Variants in IL1RAPL1 observed in about 807,000 individuals in gnomAD.
The protein encoded by IL1RAPL1 is interleukin-1 receptor accessory protein-like 1.
Under a neutral mutation model 48.4 loss-of-function variants are expected in IL1RAPL1, and 3 were observed. The ratio of observed to expected loss-of-function variants is 0.06; its 90% CI spans 0.03 to 0.16. The LOEUF is 0.16. Among genes scored for constraint, IL1RAPL1 ranks in the 10% least tolerant of loss-of-function variants. The pLI, the probability that IL1RAPL1 is intolerant of heterozygous loss-of-function variation, is 1.00. For synonymous variants in IL1RAPL1, 185 were observed against 187.7 expected (o/e 0.99, Z 0.12); for missense variants, 349 against 530.6 (o/e 0.66, Z 3.36).
At chrX:28,962,820 G>T (rs1375336759) in intron 2 of IL1RAPL1, among the ~76,000 whole-genome samples, 3 of 108,971 alleles carry the variant, frequency 2.8e-5, no homozygotes, top group Non-Finnish European at 3.8e-5. Context: ...TTTGGTATCC[G>T]TGGGGGGGGT....
At chrX:29,911,805 A>C (rs1214713950) in intron 6 of IL1RAPL1, among the ~76,000 whole-genome samples, 2 of 112,165 alleles carry the variant, frequency 1.8e-5, no homozygotes, top group Non-Finnish European at 3.8e-5. Flanking sequence ...TTTTAAGTAC[A>C]GTCAGTCAAC....
intron 2 of IL1RAPL1, among the ~76,000 whole-genome samples, chrX:28,968,342 T>C (rs1183407555): frequency 9.0e-6 from 1 of 111,191 alleles, no homozygotes; most frequent in East Asian, 2.8e-4. Flanking sequence ...TAACATCAGG[T>C]ATAAGGAGTT....
chrX:29,420,403 A>G (rs968184565), intron 5 of IL1RAPL1, among the ~76,000 whole-genome samples: 1 of 112,705 alleles, frequency 8.9e-6, no homozygotes, highest in African/African-American at 3.2e-5. Flanking sequence ...CGGTTTCTCC[A>G]TCTGCTATGC....
chrX:29,373,634 G>T (rs886109616), intron 3 of IL1RAPL1, among the ~76,000 whole-genome samples: 1 of 110,226 alleles, frequency 9.1e-6, no homozygotes, highest in Non-Finnish European at 1.9e-5. Flanking sequence ...TTTTAATCAG[G>T]AATAGATTTT....
chrX:29,490,865 T>TATATATACGTATATATATATATACG (rs778859346), intron 5 of IL1RAPL1, among the ~76,000 whole-genome samples: 1 of 107,593 alleles, frequency 9.3e-6, no homozygotes, highest in African/African-American at 3.6e-5. Flanking sequence ...TATATATATA[T>TATATATACGTATATATATATATACG]TCTGAGTGTG....
At chrX:29,902,812 A>C (rs1033702150) in intron 6 of IL1RAPL1, among the ~76,000 whole-genome samples, 8 of 111,566 alleles carry the variant, frequency 7.2e-5, no homozygotes, top group Non-Finnish European at 1.1e-4. Context: ...AAGCTACAAA[A>C]ATATATAGTA....
intron 2 of IL1RAPL1, among the ~76,000 whole-genome samples, chrX:28,826,825 C>T (rs185281652): frequency 1.2e-3 from 131 of 110,770 alleles, no homozygotes; most frequent in African/African-American, 4.0e-3. Flanking sequence ...TGTTTTAGCT[C>T]CGTTAGCACT....
chrX:28,734,939 A>G (rs190445387), intron 1 of IL1RAPL1, among the ~76,000 whole-genome samples: 75 of 112,179 alleles, frequency 6.7e-4, no homozygotes, highest in Middle Eastern at 9.2e-3. Flanking sequence ...GGCAGTGAAC[A>G]TCATCTGCTA....
chrX:29,012,673 A>G (rs1197997476), intron 2 of IL1RAPL1, among the ~76,000 whole-genome samples: 2 of 112,217 alleles, frequency 1.8e-5, no homozygotes, highest in Non-Finnish European at 3.8e-5. Context: ...TCATTTTGAG[A>G]AGGGATGAGA....
In IL1RAPL1 at chrX:28,587,670, G is replaced by A. The variant is rs1057515846; in HGVS notation, c.-402G>A. On this transcript the variant is annotated 5_prime_UTR_variant, in exon 1 of 11. Coordinates refer to ENST00000378993, the MANE Select transcript of IL1RAPL1 (RefSeq NM_014271.4). ...GCTTTTTTCCTTCCTTATTTTTTAA[G>A]AATTATTCTTATTTTCCCCTCTCTT... 2 of 109,767 alleles carry A rather than the reference G, an allele frequency of 1.8e-5. No individual in the cohort carries two copies. The highest frequency in any genetic ancestry group is 3.3e-5 in the African/African-American group (1 of 30,200). The allele number at this position is 109,767 out of a possible 1,213,427, so 9.0% of individuals were successfully genotyped here.
At chrX:29,228,457 C>T (rs183347590) in intron 2 of IL1RAPL1, among the ~76,000 whole-genome samples, 11 of 104,821 alleles carry the variant, frequency 1.0e-4, no homozygotes, top group East Asian at 6.3e-4. Flanking sequence ...TGGGTTCAAA[C>T]GATTCTCCTC....
chrX:28,798,481 G>A (rs1253504491), intron 2 of IL1RAPL1, among the ~76,000 whole-genome samples: 1 of 110,748 alleles, frequency 9.0e-6, no homozygotes, highest in African/African-American at 3.3e-5. Context: ...TATTATATTG[G>A]GCATCCTCAG....
intron 5 of IL1RAPL1, among the ~76,000 whole-genome samples, chrX:29,573,366 A>T (rs2147799479): frequency 8.9e-6 from 1 of 112,631 alleles, no homozygotes; most frequent in South Asian, 3.7e-4. Flanking sequence ...ATAGGTAGTA[A>T]CAAAGAATGA....
chrX:29,665,255 G>C (rs1426019537), intron 5 of IL1RAPL1, among the ~76,000 whole-genome samples: 1 of 112,438 alleles, frequency 8.9e-6, no homozygotes, highest in Non-Finnish European at 1.9e-5. Context: ...TGTTTTCAAG[G>C]AAGAGAGAAA....
chrX:29,091,449 G>A (rs1277811161), intron 2 of IL1RAPL1, among the ~76,000 whole-genome samples: 1 of 111,807 alleles, frequency 8.9e-6, no homozygotes, highest in Admixed American at 9.5e-5. Flanking sequence ...ACAGGACTGG[G>A]GCTTCTCTCA....
At chrX:28,633,842 AGTTTT>A (rs1199540335) in intron 1 of IL1RAPL1, among the ~76,000 whole-genome samples, 2 of 111,954 alleles carry the variant, frequency 1.8e-5, no homozygotes, top group African/African-American at 6.5e-5. Context: ...AATTTGTTAA[AGTTTT>A]ATTTTATTTT....
chrX:28,710,002 A>G (rs369410399), intron 1 of IL1RAPL1, among the ~76,000 whole-genome samples: 10 of 111,949 alleles, frequency 8.9e-5, no homozygotes, highest in African/African-American at 2.3e-4. Flanking sequence ...ATGGAGGCTC[A>G]TCTATTTTTA....
chrX:29,096,855 T>C (rs145786998), intron 2 of IL1RAPL1, among the ~76,000 whole-genome samples: 1,741 of 110,818 alleles, frequency 0.016, 36 homozygotes, highest in African/African-American at 0.054. Flanking sequence ...CACAGAATTG[T>C]TGGGAATCAT....
intron 2 of IL1RAPL1, among the ~76,000 whole-genome samples, chrX:28,797,933 C>G (rs983104351): frequency 8.9e-6 from 1 of 111,992 alleles, no homozygotes; most frequent in Non-Finnish European, 1.9e-5. Flanking sequence ...GCCTCACAAT[C>G]GTGGTGGAAG....
Sources: allele counts gnomAD v4.1 joint callset (sites outside exome capture counted in the v4.1 genomes callset), GRCh38; gene constraint gnomAD v4.1.1; transcripts MANE v1.5; gene names NCBI Gene and HGNC (gene_info 2026-07-23, HGNC 2026-07-21).